Variants in PARVB observed in about 807,000 individuals in gnomAD.
PARVB encodes beta-parvin.
PARVB carries 46 observed loss-of-function variants against 47.0 expected under a neutral mutation model. That is an observed-to-expected ratio of 0.98 (90% CI 0.77 to 1.25). The LOEUF is 1.25. Among genes scored for constraint, PARVB ranks in the 50% most tolerant of loss-of-function variants. The pLI is 0.00. For missense variants in PARVB, 473 were observed against 471.6 expected (o/e 1.00, Z -0.03); for synonymous variants, 196 against 196.3 (o/e 1.00, Z 0.01).
chr22:44,124,065 C>T (rs915975302), intron 4 of PARVB, among the ~76,000 whole-genome samples: 1 of 152,160 alleles, frequency 6.6e-6, no homozygotes, highest in Non-Finnish European at 1.5e-5. Context: ...TGGCACATGA[C>T]AAATATTTGT....
At chr22:44,149,184 CT>C (rs1355109054) in intron 9 of PARVB, 6 of 152,168 alleles carry the variant, frequency 3.9e-5, no homozygotes, top group African/African-American at 1.4e-4. Flanking sequence ...TGTGCATGGG[CT>C]TAGCCGGCAG....
At chr22:44,067,428 C>T (rs543879833) in intron 1 of PARVB, among the ~76,000 whole-genome samples, 1 of 152,236 alleles carries the variant, frequency 6.6e-6, no homozygotes, top group Admixed American at 6.5e-5. Flanking sequence ...GCCTCCTCCC[C>T]CAAGGGGCTG....
intron 1 of PARVB, chr22:44,086,679 C>T (rs1486344608): frequency 1.2e-6 from 1 of 861,436 alleles, no homozygotes; most frequent in African/African-American, 1.8e-5. Context: ...CTTATTTTAA[C>T]TCCACTGAGC....
intron 1 of PARVB, among the ~76,000 whole-genome samples, chr22:44,056,167 GT>G (rs2051307393): frequency 6.6e-6 from 1 of 152,242 alleles, no homozygotes; most frequent in African/African-American, 2.4e-5. Flanking sequence ...TATGACTCGA[GT>G]TTACGCAGTA....
intron 1 of PARVB, among the ~76,000 whole-genome samples, chr22:44,075,287 C>T (rs1026654639): frequency 7.9e-5 from 12 of 152,208 alleles, no homozygotes; most frequent in Non-Finnish European, 1.0e-4. Flanking sequence ...TGCATGCACC[C>T]GCAGTGACCC....
chr22:44,129,223 A>G (rs1307882408), intron 4 of PARVB, among the ~76,000 whole-genome samples: 2 of 152,242 alleles, frequency 1.3e-5, no homozygotes, highest in Admixed American at 1.3e-4. Flanking sequence ...GTAAGGACAC[A>G]GGAAGGAGAG....
chr22:44,042,379 C>T (rs1182000572), intron 1 of PARVB, among the ~76,000 whole-genome samples: 1 of 152,206 alleles, frequency 6.6e-6, no homozygotes, highest in Non-Finnish European at 1.5e-5. Flanking sequence ...CGAGATTGTG[C>T]CACTTCACTC....
chr22:44,078,160 A>T (rs1267624810), intron 1 of PARVB, among the ~76,000 whole-genome samples: 1 of 152,162 alleles, frequency 6.6e-6, no homozygotes, highest in Non-Finnish European at 1.5e-5. Flanking sequence ...TTGCATCCTT[A>T]GCTCAGGCAA....
chr22:44,094,576 ACC>A (rs2052254030), intron 2 of PARVB, among the ~76,000 whole-genome samples: 1 of 145,882 alleles, frequency 6.9e-6, no homozygotes, highest in Non-Finnish European at 1.6e-5. Flanking sequence ...GGCAGCCTTT[ACC>A]GTCCAGGTTC....
chr22:44,167,175 AC>A (rs2054186750), intron 12 of PARVB, among the ~76,000 whole-genome samples: 1 of 152,092 alleles, frequency 6.6e-6, no homozygotes, highest in Non-Finnish European at 1.5e-5. Context: ...GGGGTCCCCG[AC>A]CCTGCTCTTA....
At chr22:44,032,487 G>C (rs530586296) in intron 1 of PARVB, among the ~76,000 whole-genome samples, 1 of 152,202 alleles carries the variant, frequency 6.6e-6, no homozygotes, top group South Asian at 2.1e-4. Context: ...CTGAGCTGCT[G>C]AGTTTGCCCT....
intron 2 of PARVB, among the ~76,000 whole-genome samples, chr22:44,006,847 A>G (rs1200520976): frequency 6.6e-6 from 1 of 152,204 alleles, no homozygotes; most frequent in Non-Finnish European, 1.5e-5. Context: ...CCAGAAAGCT[A>G]GTAACAGCAA....
At chr22:44,048,037 GAC>G (rs1270761398) in intron 1 of PARVB, among the ~76,000 whole-genome samples, 3 of 152,184 alleles carry the variant, frequency 2.0e-5, no homozygotes, top group Admixed American at 6.5e-5. Flanking sequence ...TTCCCCACAG[GAC>G]CAGTGGGCGG....
At position 44,168,955 on chromosome 22, in the gene PARVB, G is replaced by A; in HGVS notation, c.*277G>A. The A allele has an allele frequency of 2.7e-6, 1 of 377,020 alleles. No individual in the cohort carries two copies. Among genetic ancestry groups the A allele is most frequent in the South Asian group, 3.3e-5 (1 of 30,136 alleles). 23.4% of individuals were successfully genotyped at this position (377,020 alleles called of 1,614,324 possible). On this transcript the variant is annotated 3_prime_UTR_variant, in exon 13 of 13. Transcript: ENST00000338758. ...TGCGTTTGAAGCCTCGCGTCACTCAGTCGCGTGGGATGATGAGTCCGTTGT... is the reference window on the plus strand; with the variant it reads ...TGCGTTTGAAGCCTCGCGTCACTCAATCGCGTGGGATGATGAGTCCGTTGT...
At chr22:44,093,023 C>T (rs1423446558) in intron 1 of PARVB, among the ~76,000 whole-genome samples, 1 of 152,250 alleles carries the variant, frequency 6.6e-6, no homozygotes, top group African/African-American at 2.4e-5. Flanking sequence ...CGGCCCTCCA[C>T]CAGTGCCATG....
chr22:44,060,622 C>T (rs969229339), intron 1 of PARVB, among the ~76,000 whole-genome samples: 4 of 151,700 alleles, frequency 2.6e-5, no homozygotes, highest in South Asian at 4.1e-4. Context: ...AATATCTGGA[C>T]AAAAGGTGGA....
At chr22:44,054,598 A>G (rs1185024551) in intron 1 of PARVB, among the ~76,000 whole-genome samples, 3 of 152,190 alleles carry the variant, frequency 2.0e-5, no homozygotes, top group African/African-American at 7.2e-5. Context: ...ACAGGGAGTT[A>G]GTGTTTCTGC....
intron 10 of PARVB, 27 bp from the exon 11 acceptor site, chr22:44,157,955 G>A (rs746594156): frequency 8.3e-6 from 13 of 1,561,758 alleles, no homozygotes; most frequent in South Asian, 3.3e-5. Flanking sequence ...TACCCTGCCC[G>A]GAAACATCAC....
At chr22:44,146,359 A>ACG (rs61705957) in intron 8 of PARVB, 32,832 of 149,590 alleles carry the variant, frequency 0.22, 3,757 homozygotes, top group East Asian at 0.54. Flanking sequence ...TCACACACAC[A>ACG]CATGCACACA....
Sources: gnomAD v4.1 joint callset for allele counts (sites outside exome capture counted in the v4.1 genomes callset) on GRCh38, gnomAD v4.1.1 for gene constraint, MANE v1.5 for transcripts, NCBI Gene and HGNC (gene_info 2026-07-23, HGNC 2026-07-21) for gene names.